The following HHAT variants were observed in gnomAD, a reference collection of about 807,000 sequenced individuals.
HHAT encodes protein-cysteine N-palmitoyltransferase HHAT.
In HHAT, 47 loss-of-function variants were observed where a neutral mutation model predicts 70.8. That is an observed-to-expected ratio of 0.66 (90% CI 0.53 to 0.85). The LOEUF (loss-of-function observed/expected upper bound fraction) is 0.85. HHAT is among the 40% of genes least tolerant of loss of function. The probability of loss-of-function intolerance (pLI) is 0.00; values close to 1 mark genes in which losing one functional copy is unlikely to be tolerated. For synonymous variants in HHAT, 228 were observed against 247.6 expected, an observed-to-expected ratio of 0.92 and a Z score of 0.74; for missense variants, 609 against 604.8, an observed-to-expected ratio of 1.01 and a Z score of -0.07.
At chr1:210,608,715 G>A (rs1294363177) in intron 10 of HHAT, among the ~76,000 whole-genome samples, 1 of 152,148 alleles carries the variant, frequency 6.6e-6, no homozygotes, top group Non-Finnish European at 1.5e-5. Flanking sequence ...GGTAATTTAT[G>A]AAGAACAGAA....
chr1:210,367,507 C>T (rs2148048625), intron 3 of HHAT, among the ~76,000 whole-genome samples: 1 of 152,280 alleles, frequency 6.6e-6, no homozygotes, highest in South Asian at 2.1e-4. Context: ...GGCTGACCTT[C>T]ACCTGAGCTC....
At chr1:210,518,298 AT>A (rs2095094410) in intron 9 of HHAT, among the ~76,000 whole-genome samples, 1 of 151,870 alleles carries the variant, frequency 6.6e-6, no homozygotes, top group Non-Finnish European at 1.5e-5. Context: ...TGTGTTATGA[AT>A]TTTTTTAAGC....
At chr1:210,512,118 G>A (rs751558302) in intron 8 of HHAT, among the ~76,000 whole-genome samples, 11 of 152,152 alleles carry the variant, frequency 7.2e-5, no homozygotes, top group Middle Eastern at 3.2e-3. Flanking sequence ...CCATAGCCCA[G>A]CGCTATGGGA....
At chr1:210,613,191 A>G (rs964468174) in intron 10 of HHAT, among the ~76,000 whole-genome samples, 2 of 148,118 alleles carry the variant, frequency 1.4e-5, no homozygotes, top group South Asian at 2.1e-4. Flanking sequence ...GCTAAATCCA[A>G]TGTCATGAAG....
At chr1:210,638,896 C>A (rs548310421) in intron 11 of HHAT, among the ~76,000 whole-genome samples, 8 of 151,580 alleles carry the variant, frequency 5.3e-5, no homozygotes, top group Admixed American at 1.3e-4. Context: ...CAGAGTGAGA[C>A]CCTCCCTCAA....
intron 1 of HHAT, chr1:210,329,421 C>T (rs1330728488): frequency 1.2e-5 from 13 of 1,106,364 alleles, no homozygotes; most frequent in Non-Finnish European, 1.4e-5. Context: ...GTTGCGAACT[C>T]TGGTCCTCTT....
intron 8 of HHAT, among the ~76,000 whole-genome samples, chr1:210,484,242 T>G (rs1021490794): frequency 6.6e-6 from 1 of 151,850 alleles, no homozygotes; most frequent in African/African-American, 2.4e-5. Context: ...GTCCGTAGCC[T>G]TTTTTTGTCT....
chr1:210,563,967 G>C (rs964581631), intron 9 of HHAT, among the ~76,000 whole-genome samples: 15 of 152,130 alleles, frequency 9.9e-5, no homozygotes, highest in Admixed American at 8.5e-4. Context: ...TTGTTTGTTT[G>C]TTTTGAGATG....
intron 9 of HHAT, among the ~76,000 whole-genome samples, chr1:210,586,406 C>T (rs987351777): frequency 5.3e-5 from 8 of 152,076 alleles, no homozygotes; most frequent in Non-Finnish European, 1.0e-4. Flanking sequence ...CACCACTCTA[C>T]TCCTGCCTGG....
At chr1:210,438,708 T>C (rs2093436471) in intron 7 of HHAT, among the ~76,000 whole-genome samples, 1 of 151,818 alleles carries the variant, frequency 6.6e-6, no homozygotes, top group South Asian at 2.1e-4. Flanking sequence ...AGTTAAGCCT[T>C]GTTCACTAAA....
Position 210,389,166 on chromosome 1 carries a change from T to C in HHAT, c.273+1585T>C, listed in dbSNP as rs76365167. Among the ~76,000 whole-genome samples, 453 of 148,848 alleles carry C rather than the reference T, an allele frequency of 3.0e-3. 1 individual carries two copies. Among genetic ancestry groups the C allele is most frequent in the African/African-American group, 0.011 (439 of 41,144 alleles). ...AAGGAATTTATACAGTTATGGAGGC[T>C]GGGAAGTCATAAAACTGAGTAATTT... On this transcript the variant is annotated intron_variant, in intron 4 of 11. Coordinates refer to ENST00000261458, the MANE Select transcript of HHAT (RefSeq NM_018194.6).
intron 9 of HHAT, among the ~76,000 whole-genome samples, chr1:210,557,943 T>A (rs1480258077): frequency 6.6e-6 from 1 of 152,154 alleles, no homozygotes; most frequent in Non-Finnish European, 1.5e-5. Context: ...ACATGGGCAT[T>A]TGGGCTCATT....
At chr1:210,496,058 A>G (rs946231834) in intron 8 of HHAT, among the ~76,000 whole-genome samples, 3 of 150,462 alleles carry the variant, frequency 2.0e-5, no homozygotes, top group Admixed American at 2.0e-4. Flanking sequence ...AGAAAATATC[A>G]GTATTCATGG....
At chr1:210,615,747 C>A (rs1225975606) in intron 10 of HHAT, among the ~76,000 whole-genome samples, 1 of 152,258 alleles carries the variant, frequency 6.6e-6, no homozygotes, top group East Asian at 1.9e-4. Flanking sequence ...GGCTGCAGAG[C>A]AGCGAATATT....
chr1:210,554,437 G>T (rs1282841913), intron 9 of HHAT, among the ~76,000 whole-genome samples: 1 of 152,166 alleles, frequency 6.6e-6, no homozygotes, highest in Non-Finnish European at 1.5e-5. Context: ...TCAGAGCTCA[G>T]TGCAGGGTTT....
chr1:210,473,868 T>A (rs2094253967), intron 8 of HHAT, among the ~76,000 whole-genome samples: 1 of 152,234 alleles, frequency 6.6e-6, no homozygotes, highest in Admixed American at 6.5e-5. Context: ...ACCTTATTTC[T>A]AATTCAGACA....
chr1:210,671,354 C>T (rs929687539), intron 11 of HHAT, among the ~76,000 whole-genome samples: 2 of 152,158 alleles, frequency 1.3e-5, no homozygotes, highest in African/African-American at 4.8e-5. Context: ...GGCATCTGTG[C>T]CTGAGCCACA....
chr1:210,463,720 G>A (rs917416989), intron 7 of HHAT, among the ~76,000 whole-genome samples: 4 of 152,100 alleles, frequency 2.6e-5, no homozygotes, highest in Non-Finnish European at 5.9e-5. Flanking sequence ...ATCATTTGGG[G>A]AACCACCAGA....
intron 8 of HHAT, among the ~76,000 whole-genome samples, chr1:210,493,142 C>T (rs562261815): frequency 5.1e-4 from 78 of 152,058 alleles, no homozygotes; most frequent in Non-Finnish European, 9.1e-4. Context: ...AACTTTTAGT[C>T]ATCCAAGCAG....
Sources: allele counts gnomAD v4.1 joint callset (sites outside exome capture counted in the v4.1 genomes callset), GRCh38; gene constraint gnomAD v4.1.1; transcripts MANE v1.5; gene names NCBI Gene and HGNC (gene_info 2026-07-23, HGNC 2026-07-21).